SEMA3D: variants seen among roughly 807,000 people sequenced by gnomAD.
SEMA3D encodes semaphorin 3D.
SEMA3D carries 84 observed loss-of-function variants against 100.1 expected under a neutral mutation model. The ratio of observed to expected loss-of-function variants is 0.84; its 90% confidence interval spans 0.70 to 1.01. SEMA3D has a LOEUF of 1.01. Ranked by LOEUF, SEMA3D falls within the 50% of genes least tolerant of loss-of-function variation. The pLI, the probability that SEMA3D is intolerant of heterozygous loss-of-function variation, is 0.00. For synonymous variants in SEMA3D, 312 were observed against 320.7 expected (o/e 0.97, Z 0.29); for missense variants, 875 against 934.1 (o/e 0.94, Z 0.82).
chr7:85,169,584 C>T (rs533222049), intron 1 of SEMA3D, among the ~76,000 whole-genome samples: 1 of 151,778 alleles, frequency 6.6e-6, no homozygotes, highest in South Asian at 2.1e-4. Context: ...AATACTGCCA[C>T]CTAAGAGACT....
chr7:85,061,597 C>T (rs552327162), intron 8 of SEMA3D, among the ~76,000 whole-genome samples: 1 of 152,284 alleles, frequency 6.6e-6, no homozygotes, highest in South Asian at 2.1e-4. Context: ...ACTCCATTGA[C>T]TTTGGACCAT....
chr7:85,085,169 C>T (rs987424000), intron 4 of SEMA3D, among the ~76,000 whole-genome samples: 4 of 152,010 alleles, frequency 2.6e-5, no homozygotes, highest in Admixed American at 1.3e-4. Flanking sequence ...GGTTTAATCA[C>T]ATTTAAGGAA....
chr7:85,179,396 T>A (rs1057465927), intron 1 of SEMA3D, among the ~76,000 whole-genome samples: 3 of 152,150 alleles, frequency 2.0e-5, no homozygotes, highest in Admixed American at 6.5e-5. Context: ...AGAGCACACC[T>A]CTTGTATCAG....
intron 4 of SEMA3D, among the ~76,000 whole-genome samples, chr7:85,093,950 G>C (rs776723104): frequency 6.6e-6 from 1 of 152,040 alleles, no homozygotes; most frequent in South Asian, 2.1e-4. Context: ...CCGAGGGTGA[G>C]GTGAAGCCTT....
chr7:85,137,278 G>T (rs1407478191), intron 2 of SEMA3D, among the ~76,000 whole-genome samples: 2 of 151,616 alleles, frequency 1.3e-5, no homozygotes, highest in Non-Finnish European at 2.9e-5. Flanking sequence ...GTATATATGT[G>T]ATGTATATAT....
chr7:85,174,971 C>T (rs756956576), intron 1 of SEMA3D, among the ~76,000 whole-genome samples: 3 of 152,000 alleles, frequency 2.0e-5, no homozygotes, highest in Non-Finnish European at 4.4e-5. Context: ...TATCAAAGCA[C>T]ACATATACTT....
chr7:85,094,612 T>A (rs1186328558), intron 4 of SEMA3D, among the ~76,000 whole-genome samples: 1 of 151,936 alleles, frequency 6.6e-6, no homozygotes, highest in Non-Finnish European at 1.5e-5. Flanking sequence ...AAACTGAACC[T>A]ACAACAAAAG....
At chr7:85,242,195 T>C in the SEMA3D span, among the ~76,000 whole-genome samples, 6 of 152,168 alleles carry the variant, frequency 3.9e-5, no homozygotes, top group Non-Finnish European at 8.8e-5. Context: ...CTAACTTTTA[T>C]TATTTATCTT....
the SEMA3D span, among the ~76,000 whole-genome samples, chr7:85,240,984 T>A: frequency 2.6e-5 from 4 of 151,508 alleles, no homozygotes; most frequent in East Asian, 1.9e-4. Flanking sequence ...AAACAAACAA[T>A]CCCATCAAAT....
At chr7:85,002,091 A>G (rs1436552831) in intron 18 of SEMA3D, among the ~76,000 whole-genome samples, 1 of 151,952 alleles carries the variant, frequency 6.6e-6, no homozygotes, top group East Asian at 1.9e-4. Context: ...ATCTTTTTGT[A>G]TCCTGTTTAT....
the SEMA3D span, among the ~76,000 whole-genome samples, chr7:85,202,495 C>T: frequency 4.0e-5 from 6 of 151,896 alleles, no homozygotes; most frequent in Admixed American, 6.6e-5. Flanking sequence ...TCTTTGCTAT[C>T]GTGAATAAAC....
intron 4 of SEMA3D, among the ~76,000 whole-genome samples, chr7:85,083,646 C>G (rs1317317988): frequency 4.5e-4 from 62 of 137,746 alleles, no homozygotes; most frequent in Middle Eastern, 5.4e-3. Flanking sequence ...AGATCGAGAC[C>G]ATCCTGGCTA....
chr7:85,039,969 CTTT>C (rs776990536), intron 11 of SEMA3D, among the ~76,000 whole-genome samples: 12 of 90,620 alleles, frequency 1.3e-4, no homozygotes, highest in African/African-American at 5.0e-4. Context: ...TACGCAAACA[CTTT>C]TTTTTTTTTT....
intron 2 of SEMA3D, among the ~76,000 whole-genome samples, chr7:85,128,717 T>A (rs962305484): frequency 2.0e-5 from 3 of 151,670 alleles, no homozygotes. Context: ...AATAAATGGA[T>A]TTGAATTGTA....
chr7:85,201,596 TTG>T, the SEMA3D span, among the ~76,000 whole-genome samples: 1 of 152,188 alleles, frequency 6.6e-6, no homozygotes, highest in East Asian at 1.9e-4. Context: ...AAGAGTGGTT[TTG>T]TGTGTGCTCC....
chr7:85,116,204 GCA>G (rs1789236649), intron 3 of SEMA3D, among the ~76,000 whole-genome samples: 1 of 148,254 alleles, frequency 6.7e-6, no homozygotes, highest in African/African-American at 2.5e-5. Flanking sequence ...ATGTATATAT[GCA>G]CATATACATA....
At chr7:85,161,218 T>C (rs1482462871) in intron 1 of SEMA3D, among the ~76,000 whole-genome samples, 1 of 152,184 alleles carries the variant, frequency 6.6e-6, no homozygotes, top group Admixed American at 6.6e-5. Context: ...AAATAGTAAA[T>C]TAATTCAGCA....
chr7:85,021,571 T>A (rs1375553646), intron 13 of SEMA3D, among the ~76,000 whole-genome samples: 1 of 151,808 alleles, frequency 6.6e-6, no homozygotes, highest in Non-Finnish European at 1.5e-5. Flanking sequence ...CCATAATTTT[T>A]AAAAATAAAA....
At chr7:85,178,261 G>T (rs1791295115) in intron 1 of SEMA3D, among the ~76,000 whole-genome samples, 3 of 152,190 alleles carry the variant, frequency 2.0e-5, no homozygotes. Flanking sequence ...CTGCTGTAAA[G>T]ATACCTGAAA....
Sources: gnomAD v4.1 joint callset for allele counts (sites outside exome capture counted in the v4.1 genomes callset) on GRCh38, gnomAD v4.1.1 for gene constraint, MANE v1.5 for transcripts, NCBI Gene and HGNC (gene_info 2026-07-23, HGNC 2026-07-21) for gene names.